The following KCNIP4 variants were observed in gnomAD, a reference collection of about 807,000 sequenced individuals.
KCNIP4 encodes the protein potassium voltage-gated channel interacting protein 4, also known as Kv channel-interacting protein 4.
In KCNIP4, 12 loss-of-function variants were observed where a neutral mutation model predicts 34.0. The observed-to-expected ratio is 0.35, with a 90% CI of 0.23 to 0.57. The LOEUF is 0.57. KCNIP4 is among the 20% of genes least tolerant of loss of function. KCNIP4 has a pLI of 0.83. For missense variants in KCNIP4, 238 were observed against 311.7 expected (o/e 0.76, Z 1.78); for synonymous variants, 124 against 102.2 (o/e 1.21, Z -1.29).
At chr4:20,852,984 C>A (rs1721189918) in intron 2 of KCNIP4, among the ~76,000 whole-genome samples, 1 of 152,052 alleles carries the variant, frequency 6.6e-6, no homozygotes, top group Non-Finnish European at 1.5e-5. Context: ...GTGACACAAA[C>A]AAATGGAAAC....
chr4:20,834,783 A>T (rs986327169), intron 3 of KCNIP4, among the ~76,000 whole-genome samples: 4 of 152,196 alleles, frequency 2.6e-5, no homozygotes, highest in African/African-American at 9.6e-5. Context: ...GCTTCTCTGC[A>T]GGTGCCAGAA....
intron 1 of KCNIP4, among the ~76,000 whole-genome samples, chr4:21,599,419 C>T (rs1018273297): frequency 6.6e-6 from 1 of 151,498 alleles, no homozygotes; most frequent in Non-Finnish European, 1.5e-5. Flanking sequence ...TCGAAGTTCA[C>T]AACTTTCCCC....
chr4:20,934,849 C>A (rs541186843), intron 1 of KCNIP4, among the ~76,000 whole-genome samples: 3 of 152,316 alleles, frequency 2.0e-5, no homozygotes, highest in African/African-American at 7.2e-5. Flanking sequence ...AATTTATTCT[C>A]TCACAGCCCT....
intron 1 of KCNIP4, among the ~76,000 whole-genome samples, chr4:21,313,443 T>C (rs61237270): frequency 0.053 from 8,016 of 152,280 alleles, 533 homozygotes; most frequent in East Asian, 0.16. Flanking sequence ...TTCATGTTTA[T>C]ATGCTGTAGT....
chr4:21,798,562 A>AAGAAAGAAAGAAAGAAAG (rs369690030), intron 1 of KCNIP4, among the ~76,000 whole-genome samples: 1 of 116,896 alleles, frequency 8.6e-6, no homozygotes, highest in Non-Finnish European at 2.0e-5. Flanking sequence ...GAGAGAAAGA[A>AAGAAAGAAAGAAAGAAAG]AAAGAAAGAA....
intron 1 of KCNIP4, among the ~76,000 whole-genome samples, chr4:21,428,073 C>T (rs1021198361): frequency 5.9e-5 from 9 of 152,152 alleles, no homozygotes; most frequent in African/African-American, 1.9e-4. Context: ...TGATACAGTG[C>T]TTGAGCAGTG....
intron 1 of KCNIP4, among the ~76,000 whole-genome samples, chr4:21,519,693 C>CAA (rs1282360248): frequency 1.4e-5 from 2 of 139,756 alleles, no homozygotes; most frequent in African/African-American, 5.6e-5. Context: ...TGTATATACA[C>CAA]ACGTGTGTGT....
rs1746784715 is a variant in KCNIP4 at position 20,728,699 on chromosome 4, C to T, written c.*1383G>A. The T allele has an allele frequency of 6.6e-6, 1 of 152,606 alleles. No homozygotes were observed. Among genetic ancestry groups the T allele is most frequent in the Non-Finnish European group, 1.5e-5 (1 of 68,024 alleles). The allele number at this position is 152,606 out of a possible 1,614,324, so 9.5% of individuals were successfully genotyped here. A position where few individuals can be genotyped will look rare whatever the true frequency, so the allele number is the denominator to read the frequency against. On this transcript the variant is annotated 3_prime_UTR_variant, in exon 9 of 9. Transcript: ENST00000382152. ...TACACAAACACGTGATGGCAAATTT[C>T]AGTGTACATGTATTGTACTACTCTT...
intron 3 of KCNIP4, among the ~76,000 whole-genome samples, chr4:20,779,866 C>A (rs1186418929): frequency 6.6e-6 from 1 of 152,104 alleles, no homozygotes; most frequent in Non-Finnish European, 1.5e-5. Flanking sequence ...AAAAGATTCT[C>A]CCCCAGAATT....
At position 20,931,800 on chromosome 4, in the gene KCNIP4, G is replaced by A. The variant is rs145604650; in HGVS notation, c.62-49091C>T. On this transcript the variant is annotated intron_variant, in intron 1 of 8. Transcript: ENST00000382152. ...TGGTGGGTGGGGGAAAAAATGAGAT[G>A]AAGGTCAAAGTATATGAAGTAGCAG... Among the ~76,000 whole-genome samples the A allele has an allele frequency of 3.3e-3, 498 of 152,142 alleles. 3 individuals are homozygous for A. Among genetic ancestry groups the A allele is most frequent in the Non-Finnish European group, 5.5e-3 (376 of 67,948 alleles).
chr4:21,048,268 T>A (rs1205491471), intron 1 of KCNIP4, among the ~76,000 whole-genome samples: 1 of 152,116 alleles, frequency 6.6e-6, no homozygotes, highest in East Asian at 1.9e-4. Flanking sequence ...TCCTCCTCTA[T>A]CTCCTTGCTG....
intron 1 of KCNIP4, among the ~76,000 whole-genome samples, chr4:21,624,947 A>G (rs1745225880): frequency 6.6e-6 from 1 of 152,240 alleles, no homozygotes; most frequent in African/African-American, 2.4e-5. Context: ...ATTTTGTGAC[A>G]AAGTAGCTGA....
At position 21,279,506 on chromosome 4, in the gene KCNIP4, C is replaced by T. The variant is rs1762645653; in HGVS notation, c.62-396797G>A. On this transcript the variant is annotated intron_variant, in intron 1 of 8. Transcript: ENST00000382152. ...AAGATTATATATATATATATACATACATACATATACACACACACACATATA... is the reference window on the plus strand; with the variant it reads ...AAGATTATATATATATATATACATATATACATATACACACACACACATATA... 3.5e-5 allele frequency among the ~76,000 whole-genome samples: 5 copies of T among 142,672 alleles called. No individual in the cohort carries two copies. In the Admixed American group the frequency reaches 3.5e-4, roughly 10 times the overall value. 93.6% of individuals were successfully genotyped at this position (142,672 alleles called of 152,430 possible).
chr4:21,900,537 T>C (rs1727646784), intron 1 of KCNIP4, among the ~76,000 whole-genome samples: 1 of 152,230 alleles, frequency 6.6e-6, no homozygotes, highest in African/African-American at 2.4e-5. Context: ...GGTGGTGTCC[T>C]ATAGGCCATC....
intron 1 of KCNIP4, among the ~76,000 whole-genome samples, chr4:21,542,322 G>A (rs1184293241): frequency 6.6e-6 from 1 of 152,082 alleles, no homozygotes; most frequent in Non-Finnish European, 1.5e-5. Context: ...AGTCAGTTAA[G>A]CCTAATAACT....
intron 1 of KCNIP4, among the ~76,000 whole-genome samples, chr4:21,511,780 T>C (rs1734333039): frequency 6.6e-6 from 1 of 152,192 alleles, no homozygotes; most frequent in African/African-American, 2.4e-5. Flanking sequence ...AGTCCCGTGA[T>C]AACTTGTGCA....
At chr4:21,455,455 C>T (rs1318892505) in intron 1 of KCNIP4, among the ~76,000 whole-genome samples, 1 of 151,922 alleles carries the variant, frequency 6.6e-6, no homozygotes, top group Non-Finnish European at 1.5e-5. Flanking sequence ...CAGCAGAGGG[C>T]TTGGTTGTGA....
chr4:21,609,112 A>G (rs1700317582), intron 1 of KCNIP4, among the ~76,000 whole-genome samples: 1 of 152,198 alleles, frequency 6.6e-6, no homozygotes, highest in Non-Finnish European at 1.5e-5. Flanking sequence ...ATTATGTTCA[A>G]TTTGAAATTT....
intron 1 of KCNIP4, among the ~76,000 whole-genome samples, chr4:21,412,729 G>C (rs989412992): frequency 2.6e-5 from 4 of 152,214 alleles, no homozygotes; most frequent in South Asian, 4.1e-4. Context: ...AACTCCACCA[G>C]CTTTCTTGGT....
Sources: allele counts gnomAD v4.1 joint callset (sites outside exome capture counted in the v4.1 genomes callset), GRCh38; gene constraint gnomAD v4.1.1; transcripts MANE v1.5; gene names NCBI Gene and HGNC (gene_info 2026-07-23, HGNC 2026-07-21).